ZNF705A: variants seen among roughly 807,000 people sequenced by gnomAD.
ZNF705A encodes zinc finger protein 705A.
A neutral mutation model predicts 16.6 loss-of-function variants in ZNF705A; 8 were observed. The ratio of observed to expected loss-of-function variants is 0.48; its 90% CI spans 0.28 to 0.87. ZNF705A has a LOEUF of 0.87. Among genes scored for constraint, ZNF705A ranks in the 40% least tolerant of loss-of-function variants. The pLI is 0.10. For synonymous variants in ZNF705A, 73 were observed against 117.3 expected, an observed-to-expected ratio of 0.62 and a Z score of 2.44; for missense variants, 233 against 359.9, an observed-to-expected ratio of 0.65 and a Z score of 2.85.
intron 2 of ZNF705A, among the ~76,000 whole-genome samples, chr12:8,174,873 AT>A (rs71042341): frequency 0.48 from 72,609 of 151,794 alleles, 17,937 homozygotes; most frequent in Non-Finnish European, 0.56. Flanking sequence ...TGTAAATCGA[AT>A]TTTTTTTTGT....
intron 1 of ZNF705A, among the ~76,000 whole-genome samples, chr12:8,165,351 C>T (rs1450576308): frequency 2.9e-5 from 4 of 139,688 alleles, no homozygotes; most frequent in Admixed American, 7.5e-5. Context: ...GGCGTGATCT[C>T]GGCTCACTGC....
intron 1 of ZNF705A, among the ~76,000 whole-genome samples, chr12:8,161,646 T>G (rs1425230409): frequency 6.6e-6 from 1 of 152,128 alleles, no homozygotes; most frequent in Non-Finnish European, 1.5e-5. Context: ...CCTGTTCCAA[T>G]TACCAGAAAT....
intron 1 of ZNF705A, among the ~76,000 whole-genome samples, chr12:8,162,525 A>G (rs1437743094): frequency 6.6e-6 from 1 of 152,154 alleles, no homozygotes; most frequent in Admixed American, 6.5e-5. Flanking sequence ...CACTAGAAGA[A>G]TCTTTCCTTC....
chr12:8,166,570 C>T (rs1408598953), intron 1 of ZNF705A, among the ~76,000 whole-genome samples: 1 of 152,362 alleles, frequency 6.6e-6, no homozygotes, highest in East Asian at 1.9e-4. Flanking sequence ...TGCCTCCCCC[C>T]AACCATGTGG....
intron 1 of ZNF705A, 80 bp from the exon 3 acceptor site, chr12:8,174,246 A>G: frequency 1.3e-6 from 2 of 1,596,342 alleles, no homozygotes; most frequent in South Asian, 2.2e-5. Context: ...CCCAGCTCCT[A>G]GCTATGTCAT....
upstream of ZNF705A, chr12:8,172,530 T>C: frequency 6.5e-7 from 1 of 1,541,040 alleles, no homozygotes; most frequent in South Asian, 1.1e-5. Context: ...GACTGCTGTC[T>C]CACATGTTCT....
upstream of ZNF705A, among the ~76,000 whole-genome samples, chr12:8,170,476 A>G (rs1365347919): frequency 6.6e-6 from 1 of 152,200 alleles, no homozygotes; most frequent in Non-Finnish European, 1.5e-5. Flanking sequence ...TGAAATAAGT[A>G]TGCTTTAACT....
intron 1 of ZNF705A, among the ~76,000 whole-genome samples, chr12:8,160,304 C>T (rs1471433778): frequency 6.6e-6 from 1 of 152,046 alleles, no homozygotes; most frequent in African/African-American, 2.4e-5. Flanking sequence ...TTTAACTATG[C>T]AGGCTCCTTT....
chr12:8,164,347 T>A (rs915131285), intron 1 of ZNF705A, among the ~76,000 whole-genome samples: 2 of 152,256 alleles, frequency 1.3e-5, no homozygotes, highest in African/African-American at 4.8e-5. Context: ...ATTGTCATTC[T>A]GTGGTTGGCC....
chr12:8,170,153 C>A (rs745908413), upstream of ZNF705A, among the ~76,000 whole-genome samples: 32 of 148,588 alleles, frequency 2.2e-4, 1 homozygote, highest in African/African-American at 6.4e-4. Context: ...CGCGCCACTG[C>A]ACTCCAGCCT....
exon 5 of ZNF705A, chr12:8,179,291 A>C (rs1411939032): frequency 5.9e-5 from 9 of 152,178 alleles, no homozygotes; most frequent in Non-Finnish European, 1.3e-4. Flanking sequence ...CTTTTACTGC[A>C]GTCCAGAAGA....
At chr12:8,158,384 T>C (rs964876389) in intron 1 of ZNF705A, among the ~76,000 whole-genome samples, 1 of 152,160 alleles carries the variant, frequency 6.6e-6, no homozygotes, top group African/African-American at 2.4e-5. Context: ...AACAAAACTA[T>C]ACAGTATGTT....
Position 8,177,521 on chromosome 12 carries a change from G to C in ZNF705A, c.841G>C (p.Glu281Gln), listed in dbSNP as rs751514606. ...AGGAAACAAAATAATTCACACTGGA[G>C]AGAAACCACATGCTTGTCTTCTATG... The change falls in exon 5 of 5, where the codon GAG becomes CAG. Residue 281 changes from glutamate to glutamine, a missense_variant. By Grantham distance (29) the Glu-to-Gln change is conservative. Transcript: ENST00000359286. 5 of 1,612,418 alleles carry C rather than the reference G, an allele frequency of 3.1e-6. No homozygotes were observed. In the South Asian group the frequency reaches 4.4e-5, roughly 14 times the overall value.
chr12:8,175,696 C>G (rs1005981171), intron 3 of ZNF705A, among the ~76,000 whole-genome samples, 164 bp from the exon 5 acceptor site: 26 of 152,130 alleles, frequency 1.7e-4, no homozygotes, highest in Admixed American at 7.9e-4. Flanking sequence ...TTCTAATTGC[C>G]GACACTGTAC....
intron 1 of ZNF705A, among the ~76,000 whole-genome samples, chr12:8,163,809 T>G (rs1235237217): frequency 4.6e-5 from 7 of 152,162 alleles, no homozygotes; most frequent in Admixed American, 2.6e-4. Flanking sequence ...CACCTATCAT[T>G]TTTGAATTCC....
chr12:8,159,094 A>G (rs1948332874), intron 1 of ZNF705A, among the ~76,000 whole-genome samples: 1 of 152,162 alleles, frequency 6.6e-6, no homozygotes, highest in South Asian at 2.1e-4. Flanking sequence ...TGCTTCACTT[A>G]GAATAATAGT....
At chr12:8,179,412 G>A (rs1283364760) in exon 5 of ZNF705A, 1 of 152,180 alleles carries the variant, frequency 6.6e-6, no homozygotes, top group African/African-American at 2.4e-5. Flanking sequence ...TCACAGAGGG[G>A]CCCTCCTCTG....
chr12:8,160,805 G>T (rs1029097910), intron 1 of ZNF705A, among the ~76,000 whole-genome samples: 1 of 152,048 alleles, frequency 6.6e-6, no homozygotes, highest in Non-Finnish European at 1.5e-5. Context: ...TACTGATTTG[G>T]ATGCCCTTTA....
Position 8,175,822 on chromosome 12 carries a change from T to G in ZNF705A, c.236-38T>G, listed in dbSNP as rs1680134749. On this transcript the variant is annotated intron_variant, in intron 3 of 4. Transcript: ENST00000359286. Reference sequence around the variant, plus strand: ...GGCTTTTCAAACAATTTTATTACCATAATACCAATGTAACAATTTATTTTT... The same window carrying G: ...GGCTTTTCAAACAATTTTATTACCAGAATACCAATGTAACAATTTATTTTT... 6.2e-6 allele frequency: 10 copies of G among 1,610,408 alleles called. No homozygotes were observed. The Middle Eastern group carries it at 9.0e-4, about 145-fold the overall frequency.
Sources: gnomAD v4.1 joint callset for allele counts (sites outside exome capture counted in the v4.1 genomes callset) on GRCh38, gnomAD v4.1.1 for gene constraint, MANE v1.5 for transcripts, NCBI Gene and HGNC (gene_info 2026-07-23, HGNC 2026-07-21) for gene names.